The following CABLES2 variants were observed in gnomAD, a reference collection of about 807,000 sequenced individuals.
CABLES2 encodes Cdk5 and Abl enzyme substrate 2, also known as CDK5 and ABL1 enzyme substrate 2.
A neutral mutation model predicts 44.8 loss-of-function variants in CABLES2; 35 were observed. The ratio of observed to expected loss-of-function variants is 0.78; its 90% confidence interval spans 0.60 to 1.04. The LOEUF is 1.04. Among genes scored for constraint, CABLES2 ranks in the 50% least tolerant of loss-of-function variants. The pLI, the probability that CABLES2 is intolerant of heterozygous loss-of-function variation, is 0.00. For synonymous variants in CABLES2, 282 were observed against 281.1 expected (o/e 1.00, Z -0.03); for missense variants, 566 against 615.7 (o/e 0.92, Z 0.85).
chr20:62,397,989 G>GGTGGTGACGGTGGTGA (rs1988065510), intron 1 of CABLES2, among the ~76,000 whole-genome samples: 3 of 58,318 alleles, frequency 5.1e-5, no homozygotes, highest in Admixed American at 3.6e-4. Context: ...GATGGCGGTG[G>GGTGGTGACGGTGGTGA]TGGTGATGAT....
chr20:62,393,960 C>T (rs1047571929), intron 5 of CABLES2, among the ~76,000 whole-genome samples, 197 bp downstream of exon 5: 9 of 152,194 alleles, frequency 5.9e-5, no homozygotes, highest in Admixed American at 2.0e-4. Context: ...ACCTCAGGCA[C>T]GGCCAGGCGG....
intron 1 of CABLES2, chr20:62,403,579 G>C (rs1054760765): frequency 1.3e-5 from 2 of 152,390 alleles, no homozygotes; most frequent in African/African-American, 4.8e-5. Context: ...CTGGCCTCCA[G>C]AGCTGGGAGA....
Position 62,399,229 on chromosome 20 carries a change from C to T in CABLES2, c.363-2637G>A, listed in dbSNP as rs191653865. On this transcript the variant is annotated intron_variant, in intron 1 of 9. Transcript: ENST00000279101. ...CCTCCCAAAGGGCTGGGATTACAGG[C>T]GTGAGCCACCATATTTTATTTTATT... Among the ~76,000 whole-genome samples, 452 of 109,600 alleles carry T rather than the reference C, an allele frequency of 4.1e-3. 2 individuals carry two copies. The highest frequency in any genetic ancestry group is 0.017 in the South Asian group (65 of 3,724). 71.9% of individuals were successfully genotyped at this position (109,600 alleles called of 152,430 possible). A position where few individuals can be genotyped will look rare whatever the true frequency, so the allele number is the denominator to read the frequency against.
In CABLES2 at chr20:62,407,123, G is replaced by C; in HGVS notation, c.154C>G (p.Leu52Val). Residue 52 changes from leucine (L) to valine (V), a missense_variant, in exon 1 of 10, where the codon CTC (leucine) becomes GTC (valine). Physicochemically the swap from Leu to Val is conservative, Grantham distance 32. Coordinates refer to ENST00000279101, the MANE Select transcript of CABLES2 (RefSeq NM_031215.3). ...SRRRQAALFF[L>V]NNISLDGRPP... ...CGCCCGTCCAGGGAGATGTTGTTGAGGAAGAAAAGCGCGGCCTGGCGGCGC... is the reference window on the plus strand; with the variant it reads ...CGCCCGTCCAGGGAGATGTTGTTGACGAAGAAAAGCGCGGCCTGGCGGCGC... The C allele has an allele frequency of 3.9e-6, 4 of 1,036,544 alleles. No individual in the cohort carries two copies. The highest frequency in any genetic ancestry group is 4.6e-6 in the Non-Finnish European group (4 of 861,390). The allele number at this position is 1,036,544 out of a possible 1,614,324, so 64.2% of individuals were successfully genotyped here.
At chr20:62,392,885 C>T (rs11698818) in intron 7 of CABLES2, 35 bp downstream of exon 7, 121,260 of 1,567,902 alleles carry the variant, frequency 0.077, 5,509 homozygotes, top group African/African-American at 0.19. Context: ...AGGTGTGCAG[C>T]TGCCTGCACC....
At chr20:62,397,723 A>C (rs542966881) in intron 1 of CABLES2, among the ~76,000 whole-genome samples, 45 of 152,240 alleles carry the variant, frequency 3.0e-4, no homozygotes, top group Non-Finnish European at 6.0e-4. Flanking sequence ...GCATTCCAAA[A>C]GCACAGCTTA....
At position 62,395,127 on chromosome 20, in the gene CABLES2, G is replaced by A. The variant is rs1987994158; in HGVS notation, c.528-113C>T. On this transcript the variant is annotated intron_variant, in intron 3 of 9. Transcript: ENST00000279101. ...AAATTCCTTCTGCCTAAATTCAGGT[G>A]CTGGGAAACTGCCCATGCTGTCCAA... is the stretch of plus-strand genomic sequence containing the variant. The A allele has an allele frequency of 3.5e-6, 3 of 865,978 alleles. No individual in the cohort carries two copies. In the East Asian group the frequency reaches 8.0e-5, roughly 23 times the overall value. The allele number at this position is 865,978 out of a possible 1,614,324, so 53.6% of individuals were successfully genotyped here.
intron 6 of CABLES2, 130 bp downstream of exon 6, chr20:62,393,310 T>A (rs979111861): frequency 9.5e-7 from 1 of 1,057,978 alleles, no homozygotes; most frequent in Non-Finnish European, 1.4e-6. Flanking sequence ...CCTGACCCTG[T>A]TCCCCAGGCT....
Position 62,391,356 on chromosome 20 carries a change from C to G in CABLES2, c.1189G>C (p.Gly397Arg), listed in dbSNP as rs1987914289. Residue 397 changes from glycine to arginine, a missense_variant, in exon 9 of 10, where the codon GGC (glycine) becomes CGC (arginine). Physicochemically the swap from Gly to Arg is moderately radical, Grantham distance 125. This residue lies in a region of CABLES2 where 436 missense variants were observed against 536.3 expected (regional missense o/e 0.81). Coordinates refer to ENST00000279101, the MANE Select transcript of CABLES2 (RefSeq NM_031215.3). This position sits in a 1 kb window ranked among gnomAD's most constrained non-coding sequence, Gnocchi z 5.7. Reference protein sequence around the residue: ...YVYFEKLVLQGKLSKQNRKLC... With the variant: ...YVYFEKLVLQRKLSKQNRKLC... ...TTGCGGTTCTGTTTGCTGAGCTTGC[C>G]CTGCAGGACCAGCTTCTCAAAGTAC... is the stretch of plus-strand genomic sequence containing the variant. 6.2e-7 allele frequency: 1 copy of G among 1,613,344 alleles called. No individual in the cohort carries two copies. The highest frequency in any genetic ancestry group is 8.5e-7 in the Non-Finnish European group (1 of 1,180,040).
chr20:62,390,814 G>A lies in CABLES2; in HGVS notation c.*157C>T, dbSNP rs538012450. ...AGCGACGTCTCTTTCCAAGGAAATG[G>A]CAAAGAGGCAAAAAGGAAAGCTGCA... On this transcript the variant is annotated 3_prime_UTR_variant, in exon 10 of 10. Transcript: ENST00000279101. 3 of 782,056 alleles carry A rather than the reference G, an allele frequency of 3.8e-6. No individual in the cohort carries two copies. The highest frequency in any genetic ancestry group is 1.8e-5 in the South Asian group (1 of 56,050). The allele number at this position is 782,056 out of a possible 1,614,324, so 48.4% of individuals were successfully genotyped here.
rs138935314 is a variant in CABLES2, at chr20:62,391,067, C to T, written c.1341G>A (p.Gly447=). The change falls in exon 10 of 10, where the codon GGG becomes GGA. Residue 447 remains glycine, a synonymous_variant. Transcript: ENST00000279101. This position sits in a 1 kb window ranked among gnomAD's most constrained non-coding sequence, Gnocchi z 5.7. ...AGGCCACGAGCACTGTGAACTCAAA[C>T]CCTATCAGGTCGCGCCTGTTGAATC... is the stretch of plus-strand genomic sequence containing the variant. ...RFRFNRRDLI[G]FEFTVLVALE... 6.8e-6 allele frequency: 11 copies of T among 1,614,028 alleles called. No individual in the cohort carries two copies. In the African/African-American group the frequency reaches 1.2e-4, roughly 18 times the overall value.
rs1285075582 is a variant in CABLES2, at chr20:62,398,184, G to A, written c.363-1592C>T. On this transcript the variant is annotated intron_variant, in intron 1 of 9. Coordinates refer to ENST00000279101, the MANE Select transcript of CABLES2 (RefSeq NM_031215.3). Reference sequence around the variant, plus strand: ...GGTGATGGTGGTAATGGTGGTGGTGGTGATGGTGATGATGGTGGTGATGGT... The same window carrying A: ...GGTGATGGTGGTAATGGTGGTGGTGATGATGGTGATGATGGTGGTGATGGT... 1.5e-3 allele frequency among the ~76,000 whole-genome samples: 112 copies of A among 74,322 alleles called. 6 individuals carry two copies. In the East Asian group the frequency reaches 0.02, roughly 13 times the overall value. 48.8% of individuals were successfully genotyped at this position (74,322 alleles called of 152,430 possible).
intron 1 of CABLES2, among the ~76,000 whole-genome samples, chr20:62,398,188 T>C (rs376674893): frequency 3.3e-3 from 91 of 27,516 alleles, no homozygotes; most frequent in African/African-American, 0.012. Flanking sequence ...GTGGTGGTGA[T>C]GGTGATGATG....
chr20:62,407,250 G>T lies in CABLES2; in HGVS notation c.27C>A (p.Ala9=), dbSNP rs1404327743. 1 of 692,140 alleles carries T rather than the reference G, an allele frequency of 1.4e-6. No individual in the cohort carries two copies. The highest frequency in any genetic ancestry group is 1.8e-6 in the Non-Finnish European group (1 of 565,868). The allele number at this position is 692,140 out of a possible 1,614,324, so 42.9% of individuals were successfully genotyped here. MAAAAAGG[A]PGPAPGPAGP... The stretch of plus-strand genomic sequence containing the variant: ...CGGCGGGGCCGGGGGCCGGGCCCGG[G>T]GCTCCACCGGCCGCGGCCGCGGCCA... The change falls in exon 1 of 10, where the codon GCC becomes GCA. Residue 9 remains alanine, a synonymous_variant. Coordinates refer to ENST00000279101, the MANE Select transcript of CABLES2 (RefSeq NM_031215.3).
rs774735184 is a variant in CABLES2 at position 62,394,244 on chromosome 20, C to G, written c.627G>C (p.Gln209His). The G allele has an allele frequency of 6.2e-7, 1 of 1,613,462 alleles. No individual in the cohort carries two copies. Among genetic ancestry groups the G allele is most frequent in the Non-Finnish European group, 8.5e-7 (1 of 1,179,988 alleles). ...CGCCGCCGGACGGGTGCCTCTGCTT[C>G]TGGCTGTCCACCCTCAGGTCACTGC... The part of the protein sequence containing the change: ...LRISDLRVDS[Q>H]KQRHPSGGVS... The change falls in exon 5 of 10, where the codon CAG becomes CAC. Residue 209 changes from glutamine (Q) to histidine (H), a missense_variant. Around this residue, in one of 2 missense-constraint regions of CABLES2, gnomAD observed 436 missense variants for 536.3 expected, o/e 0.81. Transcript: ENST00000279101.
chr20:62,401,740 G>A (rs939487546), intron 1 of CABLES2, among the ~76,000 whole-genome samples: 1 of 152,216 alleles, frequency 6.6e-6, no homozygotes, highest in Non-Finnish European at 1.5e-5. Context: ...CCTCAGTGTG[G>A]GGGAGGGGCT....
intron 1 of CABLES2, among the ~76,000 whole-genome samples, chr20:62,397,953 G>GTGA (rs1988058963): frequency 9.2e-5 from 2 of 21,742 alleles, no homozygotes; most frequent in Non-Finnish European, 1.6e-4. Flanking sequence ...GGTGACGGTA[G>GTGA]TGGTGGTGAT....
rs1555890781 is a variant in CABLES2 at position 62,398,109 on chromosome 20, G to GTGGTGATGTGGTGGTGGTGGTGA, written c.363-1518_363-1517insTCACCACCACCACCACATCACCA. 2.9e-5 allele frequency among the ~76,000 whole-genome samples: 3 copies of GTGGTGATGTGGTGGTGGTGGTGA among 104,842 alleles called. No individual in the cohort carries two copies. The Admixed American group carries it at 3.1e-4, about 11-fold the overall frequency. The allele number at this position is 104,842 out of a possible 152,430, so 68.8% of individuals were successfully genotyped here. A position where few individuals can be genotyped will look rare whatever the true frequency, so the allele number is the denominator to read the frequency against. The stretch of plus-strand genomic sequence containing the variant: ...GGTGACGGTGGTGGTGGTGGTGATG[G>GTGGTGATGTGGTGGTGGTGGTGA]TGGTGGTGGTGGTGGTTATGACGGT... On this transcript the variant is annotated intron_variant, in intron 1 of 9. Coordinates refer to ENST00000279101, the MANE Select transcript of CABLES2 (RefSeq NM_031215.3).
At position 62,397,916 on chromosome 20, in the gene CABLES2, A is replaced by AGTGGTGATGGTG. The variant is rs889841088; in HGVS notation, c.363-1336_363-1325dup. Among the ~76,000 whole-genome samples, 3 of 72,182 alleles carry AGTGGTGATGGTG rather than the reference A, an allele frequency of 4.2e-5. No homozygotes were observed. The Admixed American group carries it at 4.2e-4, about 10-fold the overall frequency. The allele number at this position is 72,182 out of a possible 152,430, so 47.4% of individuals were successfully genotyped here. On this transcript the variant is annotated intron_variant, in intron 1 of 9. Coordinates refer to ENST00000279101, the MANE Select transcript of CABLES2 (RefSeq NM_031215.3). ...TGGCGGTGGTGGTGATGGTGATGGC[A>AGTGGTGATGGTG]GTGGTGATGGTGGTGGTGGTGATGG... is the stretch of plus-strand genomic sequence containing the variant.
Sources: gnomAD v4.1 joint callset for allele counts (sites outside exome capture counted in the v4.1 genomes callset) on GRCh38, gnomAD v4.1.1 for gene constraint, gnomAD v4.1.1 regional missense constraint, Gnocchi (gnomAD v3.1) non-coding constraint, MANE v1.5 for transcripts, NCBI Gene and HGNC (gene_info 2026-07-23, HGNC 2026-07-21) for gene names.